ABCA4: variants seen among roughly 807,000 people sequenced by gnomAD.
The protein encoded by ABCA4 is retinal-specific phospholipid-transporting ATPase ABCA4.
Under a neutral mutation model 263.7 loss-of-function variants are expected in ABCA4, and 196 were observed. That is an observed-to-expected ratio of 0.74 (90% CI 0.66 to 0.84). The LOEUF is 0.84. Ranked by LOEUF, ABCA4 falls within the 40% of genes least tolerant of loss-of-function variation. The probability of loss-of-function intolerance (pLI) is 0.00; values close to 1 mark genes in which losing one functional copy is unlikely to be tolerated. For missense variants in ABCA4, 2,792 were observed against 2,855.1 expected (o/e 0.98, Z 0.50); for synonymous variants, 1,133 against 1,094.2 (o/e 1.04, Z -0.70).
At chr1:94,091,041 A>C (rs1661953922) in intron 6 of ABCA4, among the ~76,000 whole-genome samples, 1 of 152,190 alleles carries the variant, frequency 6.6e-6, no homozygotes, top group African/African-American at 2.4e-5. Flanking sequence ...CAGGTGGAGA[A>C]AGGAACGTGA....
chr1:94,025,831 C>T (rs1010471815), intron 30 of ABCA4, among the ~76,000 whole-genome samples: 2 of 152,168 alleles, frequency 1.3e-5, no homozygotes, highest in East Asian at 3.8e-4. Flanking sequence ...CGTAGGATAT[C>T]ATTTTGGTGA....
At chr1:94,029,422 C>T in intron 30 of ABCA4, 23 bp downstream of exon 30, 2 of 1,538,092 alleles carry the variant, frequency 1.3e-6, no homozygotes, top group East Asian at 2.4e-5. Context: ...GACCTGGGGC[C>T]CCGTTGTTTG....
intron 20 of ABCA4, among the ~76,000 whole-genome samples, chr1:94,043,812 T>C (rs946927452): frequency 3.9e-5 from 6 of 152,198 alleles, no homozygotes; most frequent in African/African-American, 7.2e-5. Flanking sequence ...ATTGTATGCA[T>C]AGTTTTACTA....
chr1:94,118,700 T>C (rs1662866261), intron 1 of ABCA4, among the ~76,000 whole-genome samples: 1 of 152,212 alleles, frequency 6.6e-6, no homozygotes, highest in South Asian at 2.1e-4. Flanking sequence ...GGCCCAGCCC[T>C]GGGAGGTGCC....
In ABCA4 at chr1:94,098,852, A is replaced by G. The variant is rs1206183260; in HGVS notation, c.710T>C (p.Leu237Pro). The G allele has an allele frequency of 6.2e-7, 1 of 1,614,158 alleles. No individual in the cohort carries two copies. Among genetic ancestry groups the G allele is most frequent in the Non-Finnish European group, 8.5e-7 (1 of 1,180,020 alleles). The change falls in exon 6 of 50, where the codon CTA becomes CCA. Residue 237 changes from leucine to proline, a missense_variant. Transcript: ENST00000370225. ...YALCSLSQGT[L>P]QWIEDTLYAN... ...ATACAGAGTGTCTTCTATCCACTGTAGGGTGCCCTGGGAGAGGGAGCACAG... is the reference window on the plus strand; with the variant it reads ...ATACAGAGTGTCTTCTATCCACTGTGGGGTGCCCTGGGAGAGGGAGCACAG...
chr1:94,116,131 C>T lies in ABCA4; in HGVS notation c.67-3065G>A, dbSNP rs144564277. ...TGAAGAATCTGGTCTCCACAAGGCA[C>T]GGTGACTTAAAGGCCTCCTCTCAGG... is the stretch of plus-strand genomic sequence containing the variant. On this transcript the variant is annotated intron_variant, in intron 1 of 49. Coordinates refer to ENST00000370225, the MANE Select transcript of ABCA4 (RefSeq NM_000350.3). 2.6e-3 allele frequency among the ~76,000 whole-genome samples: 389 copies of T among 152,330 alleles called. 4 individuals are homozygous for T. The highest frequency in any genetic ancestry group is 8.5e-3 in the African/African-American group (352 of 41,578).
intron 44 of ABCA4, among the ~76,000 whole-genome samples, chr1:94,002,572 CAG>C (rs1248545936): frequency 6.6e-6 from 1 of 152,166 alleles, no homozygotes; most frequent in Non-Finnish European, 1.5e-5. Context: ...ACAGAGACAC[CAG>C]GTGTGTGTGC....
At chr1:94,051,787 C>T (rs1660849510) in intron 16 of ABCA4, 89 bp from the exon 17 acceptor site, 6 of 975,188 alleles carry the variant, frequency 6.2e-6, no homozygotes, top group Admixed American at 5.5e-5. Flanking sequence ...AGTTTATTTA[C>T]CTGAACCTCA....
At chr1:94,093,309 T>C (rs1464116935) in intron 6 of ABCA4, among the ~76,000 whole-genome samples, 1 of 152,208 alleles carries the variant, frequency 6.6e-6, no homozygotes, top group East Asian at 1.9e-4. Flanking sequence ...ATGAGCCCCA[T>C]CCTGTGTGTC....
chr1:94,038,893 G>T (rs1354970620), intron 24 of ABCA4, among the ~76,000 whole-genome samples: 1 of 151,920 alleles, frequency 6.6e-6, no homozygotes, highest in African/African-American at 2.4e-5. Flanking sequence ...CTTATTTGGG[G>T]CATAACTATT....
chr1:94,118,052 G>C (rs954845696), intron 1 of ABCA4, among the ~76,000 whole-genome samples: 1 of 152,102 alleles, frequency 6.6e-6, no homozygotes, highest in African/African-American at 2.4e-5. Context: ...GGGTCAGTGT[G>C]GTGTAACGGC....
chr1:94,040,554 A>G (rs1434207275), intron 23 of ABCA4, among the ~76,000 whole-genome samples: 1 of 152,248 alleles, frequency 6.6e-6, no homozygotes, highest in African/African-American at 2.4e-5. Flanking sequence ...TGTTCTTAAG[A>G]AGCCCAGAGC....
chr1:94,080,585 C>T lies in ABCA4; in HGVS notation c.992G>A (p.Gly331Asp). The change falls in exon 8 of 50, where the codon GGC (glycine) becomes GAC (aspartate). Residue 331 changes from glycine (G) to aspartate (D), a missense_variant. Physicochemically the swap from Gly to Asp is moderately conservative, Grantham distance 94 (BLOSUM62 -1). Coordinates refer to ENST00000370225, the MANE Select transcript of ABCA4 (RefSeq NM_000350.3). Reference protein sequence around the residue: ...DLLCGYPEGGGSRVLSFNWYE... With the variant: ...DLLCGYPEGGDSRVLSFNWYE... ...CCAGTTGAAGGAGAGCACCCGAGAG[C>T]CACCTCCCTCGGGGTAGCCACACAG... The T allele has an allele frequency of 6.2e-7, 1 of 1,614,158 alleles. No homozygotes were observed. Among genetic ancestry groups the T allele is most frequent in the Non-Finnish European group, 8.5e-7 (1 of 1,180,030 alleles).
intron 38 of ABCA4, among the ~76,000 whole-genome samples, chr1:94,011,907 A>ATACCAGCTGCAGGGGGC (rs1471972488): frequency 8.3e-6 from 1 of 121,106 alleles, no homozygotes; most frequent in African/African-American, 3.4e-5. Flanking sequence ...GCATTTGTTA[A>ATACCAGCTGCAGGGGGC]CACCAGGCCC....
At chr1:94,088,751 G>A (rs552283248) in intron 6 of ABCA4, among the ~76,000 whole-genome samples, 22 of 152,180 alleles carry the variant, frequency 1.4e-4, no homozygotes, top group Non-Finnish European at 3.1e-4. Context: ...TACTTTAGGA[G>A]GAAGCTGGCA....
At chr1:94,019,856 C>T (rs112653457) in intron 35 of ABCA4, 97 bp from the exon 36 acceptor site, 95 of 1,360,538 alleles carry the variant, frequency 7.0e-5, no homozygotes, top group Middle Eastern at 2.4e-4. Context: ...GCCTTACACC[C>T]GCCCAGGTGT....
chr1:94,097,993 A>G (rs1020418212), intron 6 of ABCA4, among the ~76,000 whole-genome samples: 3 of 152,094 alleles, frequency 2.0e-5, no homozygotes, highest in African/African-American at 7.2e-5. Flanking sequence ...TCCTGACCTC[A>G]TGATCCGCCC....
intron 40 of ABCA4, among the ~76,000 whole-genome samples, chr1:94,009,276 T>C (rs1227633021): frequency 1.3e-5 from 2 of 152,148 alleles, no homozygotes; most frequent in African/African-American, 2.4e-5. Context: ...ATGCTTCCTC[T>C]ACAGCAAGCA....
intron 1 of ABCA4, among the ~76,000 whole-genome samples, chr1:94,115,080 G>A (rs1022811009): frequency 1.3e-5 from 2 of 152,210 alleles, no homozygotes; most frequent in Admixed American, 1.3e-4. Context: ...CTCCCCCAGG[G>A]TCATGTACAT....
Sources: gnomAD v4.1 joint callset for allele counts (sites outside exome capture counted in the v4.1 genomes callset) on GRCh38, gnomAD v4.1.1 for gene constraint, MANE v1.5 for transcripts, NCBI Gene and HGNC (gene_info 2026-07-23, HGNC 2026-07-21) for gene names.